The following TAF1B variants were observed in gnomAD, a reference collection of about 807,000 sequenced individuals.
TAF1B encodes the protein TATA box-binding protein-associated factor RNA polymerase I subunit B.
In TAF1B, 61 loss-of-function variants were observed where a neutral mutation model predicts 83.9. The observed-to-expected ratio is 0.73, with a 90% CI of 0.59 to 0.90. TAF1B has a LOEUF of 0.90. Ranked by LOEUF, TAF1B falls within the 40% of genes least tolerant of loss-of-function variation. TAF1B has a pLI of 0.00. For missense variants in TAF1B, 625 were observed against 677.0 expected, an observed-to-expected ratio of 0.92 and a Z score of 0.85; for synonymous variants, 221 against 224.6, an observed-to-expected ratio of 0.98 and a Z score of 0.14.
chr2:9,905,898 T>A (rs1006596236), intron 9 of TAF1B, among the ~76,000 whole-genome samples: 2 of 152,188 alleles, frequency 1.3e-5, no homozygotes, highest in African/African-American at 4.8e-5. Context: ...ATAATTTAAA[T>A]TTTTCAAATG....
At chr2:9,865,732 A>G (rs1462926268) in intron 5 of TAF1B, among the ~76,000 whole-genome samples, 1 of 151,812 alleles carries the variant, frequency 6.6e-6, no homozygotes, top group Non-Finnish European at 1.5e-5. Context: ...TGGTACCAAA[A>G]CAGAGATACA....
chr2:9,846,082 G>A (rs1663199149), intron 2 of TAF1B: 1 of 471,012 alleles, frequency 2.1e-6, no homozygotes, highest in African/African-American at 2.0e-5. Flanking sequence ...AAAGTTTTTG[G>A]ATCCATTATC....
intron 9 of TAF1B, among the ~76,000 whole-genome samples, chr2:9,906,308 G>A (rs1222922154): frequency 2.6e-5 from 4 of 152,102 alleles, no homozygotes; most frequent in South Asian, 2.1e-4. Context: ...TTTCCTGTGC[G>A]TAAGGAGTAG....
chr2:9,848,429 G>A (rs903562519), intron 2 of TAF1B, among the ~76,000 whole-genome samples: 2 of 152,190 alleles, frequency 1.3e-5, no homozygotes, highest in African/African-American at 2.4e-5. Context: ...CACTTTGGGA[G>A]ACCGAGGTGG....
At chr2:9,920,644 C>A (rs978914970) in intron 14 of TAF1B, among the ~76,000 whole-genome samples, 2 of 151,958 alleles carry the variant, frequency 1.3e-5, no homozygotes, top group African/African-American at 4.8e-5. Flanking sequence ...GGTGCTGTGT[C>A]GTTTTTCCAC....
At chr2:9,918,078 A>G (rs1665743436) in intron 12 of TAF1B, among the ~76,000 whole-genome samples, 2 of 151,850 alleles carry the variant, frequency 1.3e-5, no homozygotes, top group South Asian at 4.2e-4. Flanking sequence ...TCTCAAAAAA[A>G]AAAAAAGAAA....
chr2:9,848,771 G>A (rs1572209802), intron 2 of TAF1B, among the ~76,000 whole-genome samples: 1 of 152,028 alleles, frequency 6.6e-6, no homozygotes, highest in East Asian at 1.9e-4. Flanking sequence ...ATTTTTAGTT[G>A]TGGGAGAGCC....
At chr2:9,917,397 T>C (rs1280143108) in intron 12 of TAF1B, among the ~76,000 whole-genome samples, 2 of 152,214 alleles carry the variant, frequency 1.3e-5, no homozygotes. Flanking sequence ...TTATAGATGC[T>C]ACAGATTTTT....
At chr2:9,891,031 C>T (rs1426574659) in intron 8 of TAF1B, among the ~76,000 whole-genome samples, 1 of 152,226 alleles carries the variant, frequency 6.6e-6, no homozygotes, top group East Asian at 1.9e-4. Context: ...CTCAGCCTCC[C>T]CAAGTGCTGG....
At chr2:9,849,875 G>T (rs1663330296) in intron 3 of TAF1B, among the ~76,000 whole-genome samples, 1 of 152,140 alleles carries the variant, frequency 6.6e-6, no homozygotes, top group South Asian at 2.1e-4. Flanking sequence ...TGTTGAGAAG[G>T]ATCTTAGGTA....
chr2:9,865,785 A>G (rs1158311554), intron 5 of TAF1B, among the ~76,000 whole-genome samples: 2 of 151,754 alleles, frequency 1.3e-5, no homozygotes, highest in Non-Finnish European at 2.9e-5. Context: ...AATGCTGCAT[A>G]TCTACAACTA....
chr2:9,911,018 G>GA, intron 10 of TAF1B, 105 bp downstream of exon 10: 2 of 1,075,960 alleles, frequency 1.9e-6, no homozygotes, highest in Non-Finnish European at 2.6e-6. Context: ...AAGAGCTAAA[G>GA]AAAAAATTTG....
chr2:9,873,269 G>T (rs1664223259), intron 6 of TAF1B, among the ~76,000 whole-genome samples: 1 of 152,180 alleles, frequency 6.6e-6, no homozygotes, highest in East Asian at 1.9e-4. Flanking sequence ...ACCAAATAAA[G>T]AACATTTTAG....
intron 4 of TAF1B, among the ~76,000 whole-genome samples, chr2:9,853,524 G>T (rs987604646): frequency 6.6e-6 from 1 of 151,648 alleles, no homozygotes; most frequent in Non-Finnish European, 1.5e-5. Context: ...CTGGAGTGCA[G>T]TGACCTGATC....
At chr2:9,868,179 C>G in intron 5 of TAF1B, 97 bp from the exon 6 acceptor site, 2,281 of 1,174,970 alleles carry the variant, frequency 1.9e-3, no homozygotes, top group East Asian at 3.3e-3. Context: ...AGAGTGGTTT[C>G]TTTTAGGGTG....
intron 7 of TAF1B, 83 bp from the exon 8 acceptor site, chr2:9,882,623 A>G: frequency 1.3e-6 from 1 of 796,542 alleles, no homozygotes; most frequent in Non-Finnish European, 1.9e-6. Context: ...CTTGTCTTTG[A>G]ATTAAGAGAT....
rs57261740 is a variant in TAF1B, at chr2:9,908,028, C to CTT, written c.956-2674_956-2673dup. On this transcript the variant is annotated intron_variant, in intron 9 of 14. Coordinates refer to ENST00000263663, the MANE Select transcript of TAF1B (RefSeq NM_005680.3). The stretch of plus-strand genomic sequence containing the variant: ...AGCGGAGCAGTTCAAGATCTTAATT[C>CTT]TTTTTTTTTTTTTTTTTTTTTTTTT... Among the ~76,000 whole-genome samples the CTT allele has an allele frequency of 6.5e-3, 467 of 71,680 alleles. 73 individuals carry two copies. Among genetic ancestry groups the CTT allele is most frequent in the Middle Eastern group, 0.016 (2 of 128 alleles). 47.0% of individuals were successfully genotyped at this position (71,680 alleles called of 152,430 possible).
At chr2:9,845,814 C>T (rs987345514) in intron 2 of TAF1B, 1 of 268,564 alleles carries the variant, frequency 3.7e-6, no homozygotes, top group South Asian at 3.9e-5. Flanking sequence ...GAAACTCCGT[C>T]TCTACTAAAA....
chr2:9,901,864 A>G (rs1665186733), intron 8 of TAF1B, among the ~76,000 whole-genome samples: 2 of 152,176 alleles, frequency 1.3e-5, no homozygotes, highest in African/African-American at 2.4e-5. Context: ...ATTTTAGTGT[A>G]CAAGTAGAAT....
Sources: gnomAD v4.1 joint callset for allele counts (sites outside exome capture counted in the v4.1 genomes callset) on GRCh38, gnomAD v4.1.1 for gene constraint, MANE v1.5 for transcripts, NCBI Gene and HGNC (gene_info 2026-07-23, HGNC 2026-07-21) for gene names.